The following FOXP2 variants were observed in gnomAD, a reference collection of about 807,000 sequenced individuals.
The protein encoded by FOXP2 is forkhead box P2, also known as forkhead box protein P2.
Under a neutral mutation model 115.8 loss-of-function variants are expected in FOXP2, and 12 were observed. The observed-to-expected ratio is 0.10, with a 90% CI of 0.07 to 0.17. The LOEUF (loss-of-function observed/expected upper bound fraction) is 0.17. Among genes scored for constraint, FOXP2 ranks in the 10% least tolerant of loss-of-function variants. The pLI is 1.00. For missense variants in FOXP2, 629 were observed against 843.5 expected, an observed-to-expected ratio of 0.75 and a Z score of 3.15; for synonymous variants, 328 against 297.7, an observed-to-expected ratio of 1.10 and a Z score of -1.05.
intron 3 of FOXP2, among the ~76,000 whole-genome samples, chr7:114,539,714 T>G (rs574729262): frequency 6.6e-6 from 1 of 152,166 alleles, no homozygotes; most frequent in African/African-American, 2.4e-5. Flanking sequence ...TGTTAAACTA[T>G]GATGATGTTT....
chr7:114,169,600 C>G (rs1008878980), intron 1 of FOXP2, among the ~76,000 whole-genome samples: 1 of 152,078 alleles, frequency 6.6e-6, no homozygotes, highest in Non-Finnish European at 1.5e-5. Flanking sequence ...AAACACTGGA[C>G]TGTGGACTTT....
At chr7:114,325,648 A>G (rs1222021340) in intron 2 of FOXP2, among the ~76,000 whole-genome samples, 1 of 152,040 alleles carries the variant, frequency 6.6e-6, no homozygotes, top group Admixed American at 6.6e-5. Flanking sequence ...TACCATTATA[A>G]TAAACAATGG....
intron 1 of FOXP2, among the ~76,000 whole-genome samples, chr7:114,184,119 A>G (rs1483469656): frequency 6.6e-6 from 1 of 152,196 alleles, no homozygotes; most frequent in East Asian, 1.9e-4. Context: ...TGTACCCACC[A>G]TTCAGATTTG....
chr7:114,212,906 C>T (rs1047601726), intron 1 of FOXP2, among the ~76,000 whole-genome samples: 1 of 152,150 alleles, frequency 6.6e-6, no homozygotes, highest in Admixed American at 6.5e-5. Flanking sequence ...GCTCCAGTCA[C>T]AATATATGTG....
At chr7:114,251,230 T>C (rs1480887795) in intron 1 of FOXP2, among the ~76,000 whole-genome samples, 3 of 152,198 alleles carry the variant, frequency 2.0e-5, no homozygotes, top group Non-Finnish European at 2.9e-5. Context: ...TCAGGTAGCG[T>C]GATGCCTGCA....
chr7:114,603,939 T>C (rs1234321903), intron 3 of FOXP2, among the ~76,000 whole-genome samples: 1 of 152,156 alleles, frequency 6.6e-6, no homozygotes, highest in Non-Finnish European at 1.5e-5. Flanking sequence ...CTGTAAAACA[T>C]GGAGATAGAA....
At chr7:114,427,043 A>G (rs1183864298) in intron 2 of FOXP2, among the ~76,000 whole-genome samples, 1 of 151,672 alleles carries the variant, frequency 6.6e-6, no homozygotes, top group Admixed American at 6.6e-5. Flanking sequence ...ATACTTGCTT[A>G]TACAATGAAT....
At chr7:114,595,941 T>A (rs1802674233) in intron 3 of FOXP2, among the ~76,000 whole-genome samples, 1 of 151,890 alleles carries the variant, frequency 6.6e-6, no homozygotes, top group Admixed American at 6.6e-5. Flanking sequence ...AGACATGAAG[T>A]AAAAAAATAA....
Position 114,358,473 on chromosome 7 carries a change from C to CAGA in FOXP2, c.-10-68022_-10-68020dup, listed in dbSNP as rs144182869. ...AGAGATTGGAACAGTTTGGAGGGCT[C>CAGA]AGAAGAAGACAGGAAAATGTGGGAA... is the stretch of plus-strand genomic sequence containing the variant. On this transcript the variant is annotated intron_variant, in intron 2 of 17. Transcript: ENST00000634411. Among the ~76,000 whole-genome samples, 398 of 152,200 alleles carry CAGA rather than the reference C, an allele frequency of 2.6e-3. 3 individuals are homozygous for CAGA. The highest frequency in any genetic ancestry group is 9.3e-3 in the African/African-American group (386 of 41,540).
intron 2 of FOXP2, among the ~76,000 whole-genome samples, chr7:114,479,437 G>T (rs755277604): frequency 1.3e-5 from 2 of 150,982 alleles, no homozygotes; most frequent in Non-Finnish European, 1.5e-5. Context: ...TATTTACCTG[G>T]CAACTACACA....
At chr7:114,429,377 C>A (rs1356471680) in intron 2 of FOXP2, among the ~76,000 whole-genome samples, 2 of 151,242 alleles carry the variant, frequency 1.3e-5, no homozygotes, top group African/African-American at 2.4e-5. Context: ...ATTTACTGAA[C>A]AATTAGTTTA....
chr7:114,390,526 T>TTATTTATG (rs1554382715), intron 2 of FOXP2, among the ~76,000 whole-genome samples: 3 of 138,400 alleles, frequency 2.2e-5, no homozygotes, highest in Non-Finnish European at 4.5e-5. Flanking sequence ...ATTTATGTAT[T>TTATTTATG]TATTTATTTA....
intron 1 of FOXP2, among the ~76,000 whole-genome samples, chr7:114,274,399 T>C (rs961620219): frequency 5.3e-5 from 8 of 152,152 alleles, no homozygotes; most frequent in Non-Finnish European, 1.2e-4. Flanking sequence ...CCTTCTATTA[T>C]CCTCTTCCTT....
intron 1 of FOXP2, among the ~76,000 whole-genome samples, chr7:114,097,007 T>A (rs577453012): frequency 2.1e-3 from 273 of 128,170 alleles, no homozygotes; most frequent in African/African-American, 0.011. Context: ...TTTGATTACT[T>A]TATTGTAGAA....
At chr7:114,564,898 C>T (rs1800931029) in intron 3 of FOXP2, among the ~76,000 whole-genome samples, 1 of 149,080 alleles carries the variant, frequency 6.7e-6, no homozygotes, top group Admixed American at 6.7e-5. Flanking sequence ...AAAAAAAAAT[C>T]TAGAAATGTT....
intron 2 of FOXP2, among the ~76,000 whole-genome samples, chr7:114,310,614 A>G (rs956860961): frequency 6.6e-6 from 1 of 151,848 alleles, no homozygotes; most frequent in African/African-American, 2.4e-5. Context: ...CAGAGTTTCT[A>G]GTTGAAGCTG....
intron 2 of FOXP2, among the ~76,000 whole-genome samples, chr7:114,343,415 G>A (rs2129184624): frequency 6.6e-6 from 1 of 151,644 alleles, no homozygotes; most frequent in South Asian, 2.1e-4. Context: ...AAAAAGGGAG[G>A]GATAATGCAG....
chr7:114,232,652 A>G (rs2129166116), intron 1 of FOXP2, among the ~76,000 whole-genome samples: 1 of 152,168 alleles, frequency 6.6e-6, no homozygotes, highest in East Asian at 1.9e-4. Context: ...CATCTCTACT[A>G]AAAATACAAA....
chr7:114,557,248 T>C (rs777844851), intron 3 of FOXP2, among the ~76,000 whole-genome samples: 9 of 152,190 alleles, frequency 5.9e-5, no homozygotes, highest in African/African-American at 1.7e-4. Flanking sequence ...GAAGCTGGTT[T>C]AATATGTTGT....
Sources: allele counts gnomAD v4.1 joint callset (sites outside exome capture counted in the v4.1 genomes callset), GRCh38; gene constraint gnomAD v4.1.1; transcripts MANE v1.5; gene names NCBI Gene and HGNC (gene_info 2026-07-23, HGNC 2026-07-21).